The following SGIP1 variants were observed in gnomAD, a reference collection of about 807,000 sequenced individuals.
SGIP1 encodes SH3-containing GRB2-like protein 3-interacting protein 1.
A neutral mutation model predicts 107.5 loss-of-function variants in SGIP1; 38 were observed. The observed-to-expected ratio is 0.35, with a 90% CI of 0.27 to 0.46. The LOEUF is 0.46. Ranked by LOEUF, SGIP1 falls within the 20% of genes least tolerant of loss-of-function variation. The pLI, the probability that SGIP1 is intolerant of heterozygous loss-of-function variation, is 1.00. For missense variants in SGIP1, 929 were observed against 1,019.5 expected, an observed-to-expected ratio of 0.91 and a Z score of 1.21; for synonymous variants, 365 against 366.1, an observed-to-expected ratio of 1.00 and a Z score of 0.03.
intron 15 of SGIP1, among the ~76,000 whole-genome samples, chr1:66,682,812 T>C (rs1365422118): frequency 7.2e-6 from 1 of 138,172 alleles, no homozygotes; most frequent in East Asian, 4.4e-4. Flanking sequence ...AGGGGGTGGG[T>C]GGGCTTCTTT....
chr1:66,679,804 C>T lies in SGIP1; in HGVS notation c.814+52C>T, dbSNP rs553946626. ...GATGATGTGTCAAACAGAGCAGTGG[C>T]CCCGGATGAACATGCCCTTGATGTG... On this transcript the variant is annotated intron_variant, in intron 14 of 24. Transcript: ENST00000371037. 2.7e-6 allele frequency: 4 copies of T among 1,474,646 alleles called. No homozygotes were observed. In the South Asian group the frequency reaches 4.0e-5, roughly 15 times the overall value. 91.3% of individuals were successfully genotyped at this position (1,474,646 alleles called of 1,614,324 possible). A position where few individuals can be genotyped will look rare whatever the true frequency, so the allele number is the denominator to read the frequency against.
intron 7 of SGIP1, among the ~76,000 whole-genome samples, chr1:66,654,382 T>C (rs1354495754): frequency 6.6e-6 from 1 of 152,196 alleles, no homozygotes; most frequent in Admixed American, 6.5e-5. Flanking sequence ...CCAGTGAGAT[T>C]GTTTTCTCAT....
At position 66,676,880 on chromosome 1, in the gene SGIP1, T is replaced by C. The variant is rs144712291; in HGVS notation, c.647-124T>C. 1.6e-3 allele frequency: 1,122 copies of C among 711,006 alleles called. 3 individuals carry two copies. Among genetic ancestry groups the C allele is most frequent in the African/African-American group, 0.011 (617 of 55,846 alleles). The allele number at this position is 711,006 out of a possible 1,614,324, so 44.0% of individuals were successfully genotyped here. Reference sequence around the variant, plus strand: ...AAGGAGCAGCACATTCCTAAGTTAATTTTTTAGTACTGAGACAAGAGGAAA... The same window carrying C: ...AAGGAGCAGCACATTCCTAAGTTAACTTTTTAGTACTGAGACAAGAGGAAA... On this transcript the variant is annotated intron_variant, in intron 12 of 24. Coordinates refer to ENST00000371037, the MANE Select transcript of SGIP1 (RefSeq NM_032291.4).
At chr1:66,619,397 A>G (rs1417269842) in intron 1 of SGIP1, among the ~76,000 whole-genome samples, 3 of 152,228 alleles carry the variant, frequency 2.0e-5, no homozygotes, top group Non-Finnish European at 4.4e-5. Flanking sequence ...CAAAGACGGA[A>G]CGCCCTCTCC....
rs12735749 is a variant in SGIP1, at chr1:66,750,017, T to C, written c.*6922T>C. Among the ~76,000 whole-genome samples, 37 of 96,234 alleles carry C rather than the reference T, an allele frequency of 3.8e-4. 2 individuals carry two copies. Among genetic ancestry groups the C allele is most frequent in the Admixed American group, 1.8e-3 (17 of 9,626 alleles). The allele number at this position is 96,234 out of a possible 152,430, so 63.1% of individuals were successfully genotyped here. A position where few individuals can be genotyped will look rare whatever the true frequency, so the allele number is the denominator to read the frequency against. On this transcript the variant is annotated 3_prime_UTR_variant, in exon 25 of 25. Coordinates refer to ENST00000371037, the MANE Select transcript of SGIP1 (RefSeq NM_032291.4). ...ATATTCTCTCTCTCTCTCTCTCTCT[T>C]TCTCTGTGTGTGTGTGGGGGTGTGT... is the stretch of plus-strand genomic sequence containing the variant.
intron 1 of SGIP1, among the ~76,000 whole-genome samples, chr1:66,603,049 G>C (rs2066166057): frequency 6.6e-6 from 1 of 152,284 alleles, no homozygotes; most frequent in Non-Finnish European, 1.5e-5. Flanking sequence ...AAAGATATAA[G>C]AAAGTTCACC....
intron 19 of SGIP1, 123 bp from the exon 20 acceptor site, chr1:66,729,141 A>T: frequency 9.0e-7 from 1 of 1,109,804 alleles, no homozygotes; most frequent in Non-Finnish European, 1.3e-6. Context: ...GAATTGTAAG[A>T]GCCTGCCTTT....
At chr1:66,601,970 T>C (rs2065925888) in intron 1 of SGIP1, among the ~76,000 whole-genome samples, 1 of 152,228 alleles carries the variant, frequency 6.6e-6, no homozygotes, top group African/African-American at 2.4e-5. Flanking sequence ...GATCCCTTTC[T>C]CTGTAGACCT....
rs761499666 is a variant in SGIP1, at chr1:66,682,189, G to A, written c.1135G>A (p.Val379Ile). The change falls in exon 15 of 25, where the codon GTC becomes ATC. Residue 379 changes from valine (V) to isoleucine (I), a missense_variant. Val to Ile is a conservative substitution (Grantham distance 29). This residue lies in a region of SGIP1 where 588 missense variants were observed against 588.6 expected (regional missense o/e 1.00). Transcript: ENST00000371037. Reference protein sequence around the residue: ...NVLSPLNLEEVQKKVAEQTFI... With the variant: ...NVLSPLNLEEIQKKVAEQTFI... ...ACTATCGCCGCTCAATTTAGAAGAA[G>A]TCCAGAAGAAAGTCGCTGAGCAGAC... 1.9e-6 allele frequency: 3 copies of A among 1,614,212 alleles called. No homozygotes were observed. In the Admixed American group the frequency reaches 5.0e-5, roughly 27 times the overall value.
rs1570964098 is a variant in SGIP1 at position 66,633,154 on chromosome 1, T to C, written c.99+60T>C. The C allele has an allele frequency of 2.6e-6, 3 of 1,159,246 alleles. No homozygotes were observed. In the East Asian group the frequency reaches 7.1e-5, roughly 27 times the overall value. The allele number at this position is 1,159,246 out of a possible 1,614,324, so 71.8% of individuals were successfully genotyped here. ...TGCTTCAATATATGCTATGTTTAAA[T>C]TTCTCAAAGCCCTTTTTTTTTCCTG... On this transcript the variant is annotated intron_variant, in intron 3 of 24. Transcript: ENST00000371037.
rs139405189 is a variant in SGIP1 at position 66,730,690 on chromosome 1, T to A, written c.1898+1271T>A. On this transcript the variant is annotated intron_variant, in intron 20 of 24. Coordinates refer to ENST00000371037, the MANE Select transcript of SGIP1 (RefSeq NM_032291.4). ...CACCTGTCCCAGAATCTAAACCTGT[T>A]ACCATTGCCTTTGAGGCCTTGAGTT... is the stretch of plus-strand genomic sequence containing the variant. Among the ~76,000 whole-genome samples, 7 of 152,328 alleles carry A rather than the reference T, an allele frequency of 4.6e-5. No individual in the cohort carries two copies. In the East Asian group the frequency reaches 1.3e-3, roughly 29 times the overall value.
chr1:66,605,135 G>A (rs566810666), intron 1 of SGIP1, among the ~76,000 whole-genome samples: 10 of 152,132 alleles, frequency 6.6e-5, no homozygotes, highest in African/African-American at 2.4e-4. Flanking sequence ...ATGGAACAAA[G>A]GGACCCCCAT....
Position 66,671,012 on chromosome 1 carries a change from C to A in SGIP1, c.501C>A (p.Asn167Lys). ...AATTCTAGGGTGCAATTAAAAGGAA[C>A]TTATCCAGTAAGTATATCTTAGCTA... ...PRRSPGAIKR[N>K]LSSEEVARPR... is the part of the protein sequence containing the mutation. Residue 167 changes from asparagine (N) to lysine (K), a missense_variant, in exon 10 of 25, where the codon AAC (asparagine) becomes AAA (lysine). Transcript: ENST00000371037. 1.4e-6 allele frequency: 2 copies of A among 1,391,640 alleles called. No homozygotes were observed. Among genetic ancestry groups the A allele is most frequent in the South Asian group, 1.4e-5 (1 of 72,482 alleles). 86.2% of individuals were successfully genotyped at this position (1,391,640 alleles called of 1,614,324 possible). A position where few individuals can be genotyped will look rare whatever the true frequency, so the allele number is the denominator to read the frequency against.
intron 1 of SGIP1, among the ~76,000 whole-genome samples, chr1:66,620,360 T>C (rs551927332): frequency 1.1e-4 from 16 of 152,208 alleles, no homozygotes; most frequent in African/African-American, 4.8e-5. Context: ...CAATCTATCA[T>C]AATGTACTAG....
At chr1:66,675,071 G>C (rs776471925) in intron 12 of SGIP1, among the ~76,000 whole-genome samples, 9 of 152,302 alleles carry the variant, frequency 5.9e-5, no homozygotes, top group Non-Finnish European at 1.0e-4. Context: ...TAACTCATCT[G>C]TGATCAATCT....
Position 66,703,523 on chromosome 1 carries a change from GCA to G in SGIP1, c.1630+8049_1630+8050del, listed in dbSNP as rs138975824. 1.9e-3 allele frequency among the ~76,000 whole-genome samples: 276 copies of G among 146,616 alleles called. 2 individuals carry two copies. The highest frequency in any genetic ancestry group is 7.0e-3 in the Middle Eastern group (2 of 284). ...TCTCAGTACACATATACATACATAT[GCA>G]CACACACACACACACACATATAGAG... On this transcript the variant is annotated intron_variant, in intron 18 of 24. Transcript: ENST00000371037.
In SGIP1 at chr1:66,632,608, T is replaced by G. The variant is rs185412783; in HGVS notation, c.75-462T>G. ...GTACGCTTTTGATTGCGCCTGTGAA[T>G]AGCCACTGCACTCCAGCCTGGGCAA... On this transcript the variant is annotated intron_variant, in intron 2 of 24. Coordinates refer to ENST00000371037, the MANE Select transcript of SGIP1 (RefSeq NM_032291.4). 2.2e-3 allele frequency among the ~76,000 whole-genome samples: 335 copies of G among 152,266 alleles called. 3 individuals carry two copies. The highest frequency in any genetic ancestry group is 2.3e-3 in the South Asian group (11 of 4,826).
rs140979621 is a variant in SGIP1 at position 66,699,061 on chromosome 1, C to G, written c.1630+3568C>G. On this transcript the variant is annotated intron_variant, in intron 18 of 24. Coordinates refer to ENST00000371037, the MANE Select transcript of SGIP1 (RefSeq NM_032291.4). ...CTCCTGTTTACTCGTCTTTTCCCAT[C>G]ATTCCCACCAGGAATGCCACATCCC... Among the ~76,000 whole-genome samples the G allele has an allele frequency of 2.9e-4, 44 of 152,172 alleles. No individual in the cohort carries two copies. The East Asian group carries it at 8.3e-3, about 29-fold the overall frequency.
intron 2 of SGIP1, among the ~76,000 whole-genome samples, chr1:66,630,857 A>G (rs148467089): frequency 0.052 from 1,788 of 34,454 alleles, 24 homozygotes; most frequent in East Asian, 0.29. Context: ...GAAAGAAAGA[A>G]AGAAAGAAAG....
Sources: allele counts gnomAD v4.1 joint callset (sites outside exome capture counted in the v4.1 genomes callset), GRCh38; gene constraint gnomAD v4.1.1; regional missense constraint gnomAD v4.1.1; transcripts MANE v1.5; gene names NCBI Gene and HGNC (gene_info 2026-07-23, HGNC 2026-07-21).